The following GGT1 variants were observed in gnomAD, a reference collection of about 807,000 sequenced individuals.
GGT1 encodes gamma-glutamyltransferase 1, also known as glutathione hydrolase 1 proenzyme.
In GGT1, 21 loss-of-function variants were observed where a neutral mutation model predicts 56.0. The ratio of observed to expected loss-of-function variants is 0.38; its 90% CI spans 0.27 to 0.54. The LOEUF (loss-of-function observed/expected upper bound fraction) is 0.54, where lower values mean the gene tolerates loss of function less well. Ranked by LOEUF, GGT1 falls within the 20% of genes least tolerant of loss-of-function variation. The probability of loss-of-function intolerance (pLI) is 0.82; values close to 1 mark genes in which losing one functional copy is unlikely to be tolerated. For synonymous variants in GGT1, 238 were observed against 342.6 expected (o/e 0.69, Z 3.37); for missense variants, 466 against 787.0 (o/e 0.59, Z 4.88).
At chr22:24,621,100 A>G (rs1450123924) in intron 9 of GGT1, 30 bp downstream of exon 9, 20 of 1,553,496 alleles carry the variant, frequency 1.3e-5, no homozygotes, top group Non-Finnish European at 1.6e-5. Context: ...GGCCTGGGTG[A>G]GGAACTCTGC....
chr22:24,592,803 C>T (rs1279299874), upstream of GGT1: 6 of 1,245,184 alleles, frequency 4.8e-6, no homozygotes, highest in South Asian at 2.3e-5. Context: ...CCTCCCAGAC[C>T]CCCAGACCCC....
chr22:24,605,698 T>A (rs1418553123), intron 1 of GGT1, among the ~76,000 whole-genome samples: 3 of 59,802 alleles, frequency 5.0e-5, no homozygotes, highest in Admixed American at 3.4e-4. Flanking sequence ...TATTATATAT[T>A]TAATATTATA....
At chr22:24,611,979 G>A (rs550991527) in intron 5 of GGT1, among the ~76,000 whole-genome samples, 45 of 152,254 alleles carry the variant, frequency 3.0e-4, no homozygotes, top group African/African-American at 1.1e-3. Flanking sequence ...GCTAATTTTT[G>A]TATTTTTAGT....
At chr22:24,589,969 A>G, upstream of GGT1, 1 of 1,564,714 alleles carries the variant, frequency 6.4e-7, no homozygotes, top group Non-Finnish European at 8.7e-7. Context: ...GTGAAGAGAG[A>G]GTTGAGTGAG....
chr22:24,625,559 T>C (rs1487946437), intron 11 of GGT1, among the ~76,000 whole-genome samples: 3 of 151,776 alleles, frequency 2.0e-5, no homozygotes, highest in African/African-American at 7.3e-5. Context: ...TTTTTTTTTT[T>C]GAGACAGAGT....
intron 1 of GGT1, chr22:24,594,998 CCTCAAATGTGAGAATA>C (rs1256051742): frequency 6.6e-6 from 1 of 152,242 alleles, no homozygotes; most frequent in Non-Finnish European, 1.5e-5. Flanking sequence ...GGCACTGTCC[CCTCAAATGTGAGAATA>C]CTGGGCAGGG....
At chr22:24,588,806 T>C in the GGT1 span, 10 of 1,013,898 alleles carry the variant, frequency 9.9e-6, no homozygotes, top group South Asian at 3.3e-4. Context: ...AGACTGCGCC[T>C]GCGGGGTCTG....
chr22:24,623,236 T>A lies in GGT1; in HGVS notation c.863T>A (p.Leu288His). 1 of 1,587,756 alleles carries A rather than the reference T, an allele frequency of 6.3e-7. No homozygotes were observed. The highest frequency in any genetic ancestry group is 8.6e-7 in the Non-Finnish European group (1 of 1,167,070). Residue 288 changes from leucine (L) to histidine (H), a missense_variant, in exon 10 of 16, where the codon CTC (leucine) becomes CAC (histidine). By Grantham distance (99) the Leu-to-His change is moderately conservative (BLOSUM62 -3). Coordinates refer to ENST00000400382, the MANE Select transcript of GGT1 (RefSeq NM_001288833.2). ...CCGCTCAGCGGGCCCGTGCTGGCCCTCATCCTCAACATCCTCAAAGGTGAG... is the reference window on the plus strand; with the variant it reads ...CCGCTCAGCGGGCCCGTGCTGGCCCACATCCTCAACATCCTCAAAGGTGAG... ...SAPLSGPVLALILNILKGYNF... is the reference protein window; with the variant it reads ...SAPLSGPVLAHILNILKGYNF...
At chr22:24,602,073 C>G (rs9624510), upstream of GGT1, among the ~76,000 whole-genome samples, 3,162 of 149,702 alleles carry the variant, frequency 0.021, 116 homozygotes, top group African/African-American at 0.074. Flanking sequence ...TGGCCTTGAA[C>G]GTCTTAGCTC....
Position 24,625,646 on chromosome 22 carries a change from A to G in GGT1, c.1020+1730A>G, listed in dbSNP as rs12170528. 8.2e-3 allele frequency among the ~76,000 whole-genome samples: 1,235 copies of G among 151,444 alleles called. 23 individuals are homozygous for G. The highest frequency in any genetic ancestry group is 0.028 in the African/African-American group (1,168 of 41,204). On this transcript the variant is annotated intron_variant, in intron 11 of 15. Transcript: ENST00000400382. ...AAGCTCCGCCTCCTGGGTTCACGCC[A>G]TTCTCCTGCCTCAGCCTCCCGAGTA...
intron 5 of GGT1, among the ~76,000 whole-genome samples, chr22:24,612,685 C>T (rs2046796247): frequency 6.6e-6 from 1 of 152,092 alleles, no homozygotes; most frequent in Non-Finnish European, 1.5e-5. Flanking sequence ...CGCCACCACG[C>T]CCGGCTAATT....
At chr22:24,589,308 G>C in the GGT1 span, 1 of 1,198,608 alleles carries the variant, frequency 8.3e-7, no homozygotes, top group Non-Finnish European at 1.1e-6. Context: ...ACCCCAGCAA[G>C]GAGGAGGGCC....
upstream of GGT1, chr22:24,589,901 C>A (rs768571677): frequency 6.2e-7 from 1 of 1,613,336 alleles, no homozygotes; most frequent in South Asian, 1.1e-5. Flanking sequence ...AGGAAGGCCA[C>A]ATCTCTGTAG....
At chr22:24,618,811 C>G (rs1480731826) in intron 7 of GGT1, among the ~76,000 whole-genome samples, 1 of 152,146 alleles carries the variant, frequency 6.6e-6, no homozygotes, top group East Asian at 1.9e-4. Flanking sequence ...CCCATCATCT[C>G]TCGCAAGAGC....
intron 9 of GGT1, among the ~76,000 whole-genome samples, chr22:24,621,683 T>C (rs2047419041): frequency 6.6e-6 from 1 of 152,058 alleles, no homozygotes; most frequent in South Asian, 2.1e-4. Context: ...ATTAAGAGCC[T>C]CCCTCCTCTA....
At chr22:24,627,382 T>TGGCGCC in intron 11 of GGT1, 50 bp from the exon 12 acceptor site, 1 of 580,418 alleles carries the variant, frequency 1.7e-6, no homozygotes, top group Non-Finnish European at 3.1e-6. Context: ...CTGTGCCCCC[T>TGGCGCC]CCCCACCCTC....
chr22:24,586,354 G>GA, the GGT1 span: 1 of 1,613,882 alleles, frequency 6.2e-7, no homozygotes, highest in Non-Finnish European at 8.5e-7. Context: ...ACAGCGGGAT[G>GA]CCTGAGAGGT....
the GGT1 span, chr22:24,588,090 G>A: frequency 1.7e-4 from 125 of 739,052 alleles, 2 homozygotes; most frequent in East Asian, 6.2e-4. Flanking sequence ...GCCCTCATGC[G>A]GACCAGGTGA....
rs895673274 is a variant in GGT1 at position 24,623,318 on chromosome 22, C to T, written c.883+62C>T. On this transcript the variant is annotated intron_variant, in intron 10 of 15. Coordinates refer to ENST00000400382, the MANE Select transcript of GGT1 (RefSeq NM_001288833.2). Reference sequence around the variant, plus strand: ...TGACACTGCCTCTCTCTCCCCACGCCCCACCCCTCCTGCATCTCTGCTCGC... The same window carrying T: ...TGACACTGCCTCTCTCTCCCCACGCTCCACCCCTCCTGCATCTCTGCTCGC... 9.7e-6 allele frequency: 14 copies of T among 1,436,652 alleles called. No homozygotes were observed. In the African/African-American group the frequency reaches 2.0e-4, roughly 21 times the overall value. 89.0% of individuals were successfully genotyped at this position (1,436,652 alleles called of 1,614,324 possible). A position where few individuals can be genotyped will look rare whatever the true frequency, so the allele number is the denominator to read the frequency against.
Sources: gnomAD v4.1 joint callset for allele counts (sites outside exome capture counted in the v4.1 genomes callset) on GRCh38, gnomAD v4.1.1 for gene constraint, MANE v1.5 for transcripts, NCBI Gene and HGNC (gene_info 2026-07-23, HGNC 2026-07-21) for gene names.